Variants in KIF1B observed in about 807,000 individuals in gnomAD.
The protein encoded by KIF1B is kinesin family member 1B, also known as kinesin-like protein KIF1B.
Under a neutral mutation model 241.9 loss-of-function variants are expected in KIF1B, and 76 were observed. The ratio of observed to expected loss-of-function variants is 0.31; its 90% CI spans 0.26 to 0.38. KIF1B has a LOEUF of 0.38. Among genes scored for constraint, KIF1B ranks in the 10% least tolerant of loss-of-function variants. The probability of loss-of-function intolerance (pLI) is 1.00; values close to 1 mark genes in which losing one functional copy is unlikely to be tolerated. For synonymous variants in KIF1B, 750 were observed against 796.7 expected, an observed-to-expected ratio of 0.94 and a Z score of 0.99; for missense variants, 1,622 against 2,271.4, an observed-to-expected ratio of 0.71 and a Z score of 5.81.
Position 10,346,630 on chromosome 1 carries a change from G to T in KIF1B, c.3797+677G>T, listed in dbSNP as rs1470100382. ...TCCACCCGCCTCAGCCTCCCAAAGT[G>T]CTGGGATTATAGGCGTGAGCCACTG... is the stretch of plus-strand genomic sequence containing the variant. On this transcript the variant is annotated intron_variant, in intron 35 of 48. Transcript: ENST00000676179. Among the ~76,000 whole-genome samples, 2 of 152,222 alleles carry T rather than the reference G, an allele frequency of 1.3e-5. 1 individual carries two copies.
chr1:10,320,602 G>A (rs1297411970), intron 23 of KIF1B, among the ~76,000 whole-genome samples: 1 of 152,130 alleles, frequency 6.6e-6, no homozygotes, highest in African/African-American at 2.4e-5. Flanking sequence ...ATTACTTATT[G>A]CCTTATAATG....
At position 10,334,585 on chromosome 1, in the gene KIF1B, G is replaced by C. The variant is rs751630691; in HGVS notation, c.2990G>C (p.Ser997Thr). Residue 997 changes from serine to threonine, a missense_variant, in exon 28 of 49, where the codon AGT (serine) becomes ACT (threonine). This residue lies in a region of KIF1B where 803 missense variants were observed against 1,112.0 expected (regional missense o/e 0.72). Transcript: ENST00000676179. ...CTGATCCACAGGGTGGCCATCGTCA[G>C]TGAGAAAGGTGAAGTGCGGGGATTT... The part of the protein sequence containing the change: ...VPLIHRVAIV[S>T]EKGEVRGFLR... 2 of 1,614,036 alleles carry C rather than the reference G, an allele frequency of 1.2e-6. No individual in the cohort carries two copies. The highest frequency in any genetic ancestry group is 1.7e-5 in the Admixed American group (1 of 60,006).
In KIF1B at chr1:10,378,165, C is replaced by T. The variant is rs185524528; in HGVS notation, c.*1578C>T. ...TCTGGATCCCAGGATTAAAACTAAC[C>T]GTGACCACTACTCCAAACAAAACAC... is the stretch of plus-strand genomic sequence containing the variant. On this transcript the variant is annotated 3_prime_UTR_variant, in exon 49 of 49. Transcript: ENST00000676179. The T allele has an allele frequency of 1.1e-4, 67 of 603,684 alleles. No homozygotes were observed. The highest frequency in any genetic ancestry group is 8.2e-4 in the South Asian group (41 of 49,750). The allele number at this position is 603,684 out of a possible 1,614,324, so 37.4% of individuals were successfully genotyped here. A position where few individuals can be genotyped will look rare whatever the true frequency, so the allele number is the denominator to read the frequency against.
chr1:10,372,581 G>A (rs756804338), intron 45 of KIF1B, among the ~76,000 whole-genome samples: 23 of 149,112 alleles, frequency 1.5e-4, no homozygotes, highest in Non-Finnish European at 3.0e-4. Context: ...GGGAGGCTGA[G>A]GCAGGAAGAT....
chr1:10,241,777 G>A (rs538892072), intron 2 of KIF1B, among the ~76,000 whole-genome samples: 1 of 151,728 alleles, frequency 6.6e-6, no homozygotes, highest in Admixed American at 6.6e-5. Flanking sequence ...TGCCTTCTTT[G>A]CAACTCTCAA....
intron 38 of KIF1B, among the ~76,000 whole-genome samples, chr1:10,356,189 A>C (rs1417995903): frequency 6.6e-6 from 1 of 151,958 alleles, no homozygotes; most frequent in Non-Finnish European, 1.5e-5. Context: ...AAGATGGTGA[A>C]ACCCCATCTT....
At chr1:10,254,955 C>CT (rs1406550128) in intron 2 of KIF1B, among the ~76,000 whole-genome samples, 3 of 146,310 alleles carry the variant, frequency 2.1e-5, no homozygotes, top group Non-Finnish European at 3.0e-5. Flanking sequence ...TTTCATTTCT[C>CT]TTTTTTTTCT....
intron 2 of KIF1B, among the ~76,000 whole-genome samples, chr1:10,246,709 A>G (rs1449319520): frequency 6.6e-6 from 1 of 152,058 alleles, no homozygotes; most frequent in Non-Finnish European, 1.5e-5. Flanking sequence ...GTGCCACTGC[A>G]CTCTAGCCTG....
chr1:10,371,152 C>A lies in KIF1B; in HGVS notation c.4836C>A (p.Ile1612=), dbSNP rs1329902950. The A allele has an allele frequency of 6.8e-6, 11 of 1,614,114 alleles. No homozygotes were observed. The South Asian group carries it at 1.2e-4, about 18-fold the overall frequency. The change falls in exon 45 of 49, where the codon ATC becomes ATA. Residue 1612 remains isoleucine, a synonymous_variant. Coordinates refer to ENST00000676179, the MANE Select transcript of KIF1B (RefSeq NM_001365951.3). ...CGGTTTGCTTCCAGTTGTCTGATAT[C>A]TCTCCAATTGGACGGGATCCCTCTG... is the stretch of plus-strand genomic sequence containing the variant. ...GSVSDCKLSD[I]SPIGRDPSES... is the part of the protein sequence containing the mutation.
chr1:10,233,710 C>CTTTTTTTT (rs61200537), intron 2 of KIF1B, among the ~76,000 whole-genome samples: 4 of 142,646 alleles, frequency 2.8e-5, no homozygotes, highest in Non-Finnish European at 4.6e-5. Flanking sequence ...CTCAATAAAG[C>CTTTTTTTT]TTTTTTTTTT....
chr1:10,333,778 C>T (rs920402745), intron 27 of KIF1B, among the ~76,000 whole-genome samples: 4 of 152,092 alleles, frequency 2.6e-5, no homozygotes, highest in African/African-American at 9.7e-5. Flanking sequence ...CGTCCCATTT[C>T]CCTGCCTTTT....
chr1:10,303,204 G>A lies in KIF1B; in HGVS notation c.2115+5958G>A, dbSNP rs150181429. On this transcript the variant is annotated intron_variant, in intron 22 of 48. Transcript: ENST00000676179. The surrounding 1 kb of genome is among the most constrained non-coding windows in gnomAD (Gnocchi z 5.2). Reference sequence around the variant, plus strand: ...GCGGGGACGATTCTGACAAGAGGTCGTGTGAAGAGAGCTGGAAACTGATTA... The same window carrying A: ...GCGGGGACGATTCTGACAAGAGGTCATGTGAAGAGAGCTGGAAACTGATTA... 5.0e-4 allele frequency: 810 copies of A among 1,614,018 alleles called. 1 individual carries two copies. The highest frequency in any genetic ancestry group is 1.1e-3 in the South Asian group (104 of 91,066).
chr1:10,365,212 G>T lies in KIF1B; in HGVS notation c.4479G>T (p.Gln1493His). ...GAGACAGCCTCATCCTTGAGCACCA[G>T]TGGGAGCTGGAGAAGCTGGAGCTCC... ...PRGDSLILEH[Q>H]WELEKLELLH... The change falls in exon 42 of 49, where the codon CAG becomes CAT. Residue 1493 changes from glutamine (Q) to histidine (H), a missense_variant. This residue lies in a region of KIF1B where 357 missense variants were observed against 409.0 expected (regional missense o/e 0.87). Coordinates refer to ENST00000676179, the MANE Select transcript of KIF1B (RefSeq NM_001365951.3). The surrounding 1 kb of genome is among the most constrained non-coding windows in gnomAD (Gnocchi z 4.0). 6.2e-7 allele frequency: 1 copy of T among 1,614,118 alleles called. No homozygotes were observed. Among genetic ancestry groups the T allele is most frequent in the Non-Finnish European group, 8.5e-7 (1 of 1,180,020 alleles).
At chr1:10,238,362 CAA>C (rs1647085378) in intron 2 of KIF1B, among the ~76,000 whole-genome samples, 1 of 90,054 alleles carries the variant, frequency 1.1e-5, no homozygotes, top group Non-Finnish European at 2.1e-5. Flanking sequence ...TCCTGGGCGA[CAA>C]GAGCAAAACT....
intron 23 of KIF1B, among the ~76,000 whole-genome samples, chr1:10,321,447 T>A (rs554238451): frequency 1.1e-3 from 166 of 151,744 alleles, no homozygotes; most frequent in African/African-American, 3.6e-3. Context: ...TACCTTTTTT[T>A]AAAAAAAAGA....
At chr1:10,316,055 CAA>C (rs1308346575) in intron 22 of KIF1B, among the ~76,000 whole-genome samples, 10 of 25,810 alleles carry the variant, frequency 3.9e-4, no homozygotes, top group Admixed American at 4.7e-4. Context: ...AACTCCATCT[CAA>C]AAAAAAAAAA....
At chr1:10,304,220 C>G (rs369684761) in intron 22 of KIF1B, 2 of 1,613,994 alleles carry the variant, frequency 1.2e-6, no homozygotes, top group African/African-American at 1.3e-5. Flanking sequence ...GGTAAAGGAG[C>G]TTTTAAGGAT....
rs1344885128 is a variant in KIF1B, at chr1:10,326,157, A to C, written c.2722A>C (p.Thr908Pro). ...GCVNERLADR[T>P]PSPTFSTADS... ...TGTGAACGAGCGCCTTGCCGACCGCACACCCTCCCCCACTTTTTCCACGGC... is the reference window on the plus strand; with the variant it reads ...TGTGAACGAGCGCCTTGCCGACCGCCCACCCTCCCCCACTTTTTCCACGGC... Residue 908 changes from threonine (T) to proline (P), a missense_variant, in exon 27 of 49, where the codon ACA becomes CCA. By Grantham distance (38) the Thr-to-Pro change is conservative. Around this residue, in one of 7 missense-constraint regions of KIF1B, gnomAD observed 803 missense variants for 1,112.0 expected, o/e 0.72. Transcript: ENST00000676179. The surrounding 1 kb of genome is among the most constrained non-coding windows in gnomAD (Gnocchi z 5.2). 6.2e-7 allele frequency: 1 copy of C among 1,613,818 alleles called. No homozygotes were observed. The highest frequency in any genetic ancestry group is 8.5e-7 in the Non-Finnish European group (1 of 1,179,988).
At chr1:10,216,972 T>TTTTC in intron 1 of KIF1B, among the ~76,000 whole-genome samples, 1 of 109,976 alleles carries the variant, frequency 9.1e-6, no homozygotes, top group Admixed American at 8.8e-5. Context: ...TTTTTTTTTT[T>TTTTC]TTTTTTTTTT....
Sources: allele counts gnomAD v4.1 joint callset (sites outside exome capture counted in the v4.1 genomes callset), GRCh38; gene constraint gnomAD v4.1.1; regional missense constraint gnomAD v4.1.1; non-coding constraint Gnocchi (gnomAD v3.1); transcripts MANE v1.5; gene names NCBI Gene and HGNC (gene_info 2026-07-23, HGNC 2026-07-21).